Variants in PIPOX observed in about 807,000 individuals in gnomAD.
PIPOX encodes the protein peroxisomal sarcosine oxidase.
Under a neutral mutation model 47.9 loss-of-function variants are expected in PIPOX, and 45 were observed. The ratio of observed to expected loss-of-function variants is 0.94; its 90% confidence interval spans 0.74 to 1.20. The LOEUF is 1.20. Ranked by LOEUF, PIPOX falls within the 50% of genes most tolerant of loss-of-function variation. The pLI is 0.00. For missense variants in PIPOX, 458 were observed against 498.4 expected (o/e 0.92, Z 0.77); for synonymous variants, 165 against 191.3 (o/e 0.86, Z 1.13).
At position 29,056,229 on chromosome 17, in the gene PIPOX, T is replaced by C; in HGVS notation, c.1097T>C (p.Met366Thr). 1.9e-6 allele frequency: 3 copies of C among 1,613,944 alleles called. No individual in the cohort carries two copies. In the South Asian group the frequency reaches 3.3e-5, roughly 18 times the overall value. ...VVGKILYELSMKLTPSYDLAP... is the reference protein window; with the variant it reads ...VVGKILYELSTKLTPSYDLAP... ...GGGAAGATCCTGTATGAATTAAGCA[T>C]GAAATTAACACCATCTTATGACTTG... The change falls in exon 8 of 8, where the codon ATG becomes ACG. Residue 366 changes from methionine (M) to threonine (T), a missense_variant. Met to Thr is a moderately conservative substitution (Grantham distance 81). Coordinates refer to ENST00000323372, the MANE Select transcript of PIPOX (RefSeq NM_016518.3).
chr17:29,045,965 AC>A (rs1229998851), intron 2 of PIPOX, among the ~76,000 whole-genome samples: 5 of 152,098 alleles, frequency 3.3e-5, no homozygotes, highest in African/African-American at 9.7e-5. Context: ...TGCAATGGGA[AC>A]TTTAACCATC....
At chr17:29,055,677 C>A in intron 6 of PIPOX, 136 bp from the exon 7 acceptor site, 2 of 761,066 alleles carry the variant, frequency 2.6e-6, no homozygotes, top group Admixed American at 1.9e-5. Context: ...GGGGCACGGG[C>A]ATGCGGAAAG....
intron 1 of PIPOX, chr17:29,044,477 A>AT (rs563825458): frequency 2.6e-4 from 41 of 155,386 alleles, no homozygotes; most frequent in Middle Eastern, 3.0e-3. Flanking sequence ...GATTGTGTGA[A>AT]TTTTTTTTTG....
At chr17:29,046,846 T>G in intron 2 of PIPOX, 2 of 748,870 alleles carry the variant, frequency 2.7e-6, no homozygotes, top group Non-Finnish European at 3.3e-6. Flanking sequence ...GTTGAACCTC[T>G]GGTGAGACTC....
Position 29,055,043 on chromosome 17 carries a change from C to A in PIPOX, c.808-20C>A, listed in dbSNP as rs68136852. On this transcript the variant is annotated intron_variant, in intron 5 of 7. Transcript: ENST00000323372. ...GGAAGGCCAGCCCTCACCACTCATG[C>A]CACTCTGATTGGGAGCCAGGTCAGC... 261,316 of 1,613,350 alleles carry A rather than the reference C, an allele frequency of 0.16. 26,311 individuals are homozygous for A. Among genetic ancestry groups the A allele is most frequent in the East Asian group, 0.55 (24,450 of 44,852 alleles).
chr17:29,055,678 A>G, intron 6 of PIPOX, 135 bp from the exon 7 acceptor site: 1 of 768,486 alleles, frequency 1.3e-6, no homozygotes, highest in Non-Finnish European at 2.3e-6. Flanking sequence ...GGGCACGGGC[A>G]TGCGGAAAGC....
intron 1 of PIPOX, 57 bp from the exon 2 acceptor site, chr17:29,044,800 CAG>C: frequency 1.3e-6 from 2 of 1,528,906 alleles, no homozygotes; most frequent in Non-Finnish European, 1.8e-6. Context: ...TGGCTCTTAA[CAG>C]GGGATGCAGT....
chr17:29,057,173 A>ATGAACAATAAATATTTGT lies in PIPOX; in HGVS notation c.*876_*893dup. 6.6e-6 allele frequency: 1 copy of ATGAACAATAAATATTTGT among 152,278 alleles called. No homozygotes were observed. Among genetic ancestry groups the ATGAACAATAAATATTTGT allele is most frequent in the South Asian group, 2.1e-4 (1 of 4,834 alleles). 9.4% of individuals were successfully genotyped at this position (152,278 alleles called of 1,614,324 possible). A position where few individuals can be genotyped will look rare whatever the true frequency, so the allele number is the denominator to read the frequency against. On this transcript the variant is annotated 3_prime_UTR_variant, in exon 8 of 8. Coordinates refer to ENST00000323372, the MANE Select transcript of PIPOX (RefSeq NM_016518.3). The stretch of plus-strand genomic sequence containing the variant: ...GCCCATAAAATCTGGCTCGTCTTTG[A>ATGAACAATAAATATTTGT]TGAACAATAAATATTTGTTGAACAA...
intron 5 of PIPOX, 49 bp downstream of exon 5, chr17:29,054,740 G>T (rs1304252249): frequency 3.1e-6 from 5 of 1,591,090 alleles, no homozygotes; most frequent in Non-Finnish European, 4.3e-6. Flanking sequence ...TGCAGATTAG[G>T]GGAAGCTGCT....
At chr17:29,047,486 T>C (rs879273711) in intron 2 of PIPOX, among the ~76,000 whole-genome samples, 1 of 152,064 alleles carries the variant, frequency 6.6e-6, no homozygotes, top group Non-Finnish European at 1.5e-5. Flanking sequence ...GCCAGCTTTA[T>C]CTATAAATGG....
At chr17:29,053,284 G>C in intron 3 of PIPOX, 129 bp from the exon 4 acceptor site, 1 of 1,183,520 alleles carries the variant, frequency 8.4e-7, no homozygotes, top group Non-Finnish European at 1.2e-6. Context: ...AAATATATGC[G>C]GCTGGCCTTG....
intron 2 of PIPOX, among the ~76,000 whole-genome samples, chr17:29,045,647 G>T (rs905735137): frequency 6.6e-6 from 1 of 151,988 alleles, no homozygotes; most frequent in Non-Finnish European, 1.5e-5. Flanking sequence ...TCGACCTCAT[G>T]ATCTGCCCTT....
At position 29,055,696 on chromosome 17, in the gene PIPOX, T is replaced by A. The variant is rs541800752; in HGVS notation, c.967-117T>A. On this transcript the variant is annotated intron_variant, in intron 6 of 7. Transcript: ENST00000323372. ...CACGGGCATGCGGAAAGCATCCTTG[T>A]GCCTCATTCCATCCTTTCTGGAAAG... 10 of 868,176 alleles carry A rather than the reference T, an allele frequency of 1.2e-5. No individual in the cohort carries two copies. In the African/African-American group the frequency reaches 1.5e-4, roughly 13 times the overall value. 53.8% of individuals were successfully genotyped at this position (868,176 alleles called of 1,614,324 possible).
rs537825896 is a variant in PIPOX at position 29,043,499 on chromosome 17, G to A, written c.114+160G>A. Among the ~76,000 whole-genome samples, 3 of 152,292 alleles carry A rather than the reference G, an allele frequency of 2.0e-5. No homozygotes were observed. The East Asian group carries it at 5.8e-4, about 29-fold the overall frequency. ...TCTTAGCTGCCTAGTGTGTTTCATGGCAATTCAAAGAAGTTTCACATCCCT... is the reference window on the plus strand; with the variant it reads ...TCTTAGCTGCCTAGTGTGTTTCATGACAATTCAAAGAAGTTTCACATCCCT... On this transcript the variant is annotated intron_variant, in intron 1 of 7. Transcript: ENST00000323372.
intron 5 of PIPOX, 93 bp downstream of exon 5, chr17:29,054,784 C>T (rs1040594967): frequency 3.0e-5 from 42 of 1,418,354 alleles, no homozygotes; most frequent in Admixed American, 6.0e-5. Context: ...CCTTGGGTCT[C>T]GGGGCCAGCA....
intron 2 of PIPOX, among the ~76,000 whole-genome samples, chr17:29,049,050 C>T (rs1440684136): frequency 6.6e-6 from 1 of 152,196 alleles, no homozygotes; most frequent in Non-Finnish European, 1.5e-5. Flanking sequence ...GTGGAAATCC[C>T]TGATCACCAA....
chr17:29,047,183 A>G (rs2065788658), intron 2 of PIPOX, among the ~76,000 whole-genome samples: 19 of 152,162 alleles, frequency 1.2e-4, no homozygotes, highest in Admixed American at 1.2e-3. Flanking sequence ...GCTATTAGGG[A>G]GGCTGATGAG....
In PIPOX at chr17:29,056,418, G is replaced by A; in HGVS notation, c.*113G>A. ...ATCATCCTTTTCTTCTGCCTCGCCTGAATCCCCCATAAACACCAGATGATT... is the reference window on the plus strand; with the variant it reads ...ATCATCCTTTTCTTCTGCCTCGCCTAAATCCCCCATAAACACCAGATGATT... On this transcript the variant is annotated 3_prime_UTR_variant, in exon 8 of 8. Coordinates refer to ENST00000323372, the MANE Select transcript of PIPOX (RefSeq NM_016518.3). The A allele has an allele frequency of 8.0e-7, 1 of 1,251,212 alleles. No homozygotes were observed. The highest frequency in any genetic ancestry group is 1.1e-6 in the Non-Finnish European group (1 of 887,762). 77.5% of individuals were successfully genotyped at this position (1,251,212 alleles called of 1,614,324 possible). A position where few individuals can be genotyped will look rare whatever the true frequency, so the allele number is the denominator to read the frequency against.
rs370180901 is a variant in PIPOX, at chr17:29,045,628, C to G, written c.263+621C>G. ...GTTTCACCATGTTGGCCAGGATGGTCTTGATCTCTCGACCTCATGATCTGC... is the reference window on the plus strand; with the variant it reads ...GTTTCACCATGTTGGCCAGGATGGTGTTGATCTCTCGACCTCATGATCTGC... On this transcript the variant is annotated intron_variant, in intron 2 of 7. Transcript: ENST00000323372. Among the ~76,000 whole-genome samples, 4 of 152,004 alleles carry G rather than the reference C, an allele frequency of 2.6e-5. No homozygotes were observed. In the East Asian group the frequency reaches 7.7e-4, roughly 29 times the overall value.
Sources: gnomAD v4.1 joint callset for allele counts (sites outside exome capture counted in the v4.1 genomes callset) on GRCh38, gnomAD v4.1.1 for gene constraint, MANE v1.5 for transcripts, NCBI Gene and HGNC (gene_info 2026-07-23, HGNC 2026-07-21) for gene names.